PLCXD1: variants seen among roughly 807,000 people sequenced by gnomAD.
PLCXD1 encodes phosphatidylinositol specific phospholipase C X domain containing 1.
A neutral mutation model predicts 37.8 loss-of-function variants in PLCXD1; 45 were observed. That is an observed-to-expected ratio of 1.19 (90% confidence interval 0.94 to 1.53). The LOEUF is 1.53. Ranked by LOEUF, PLCXD1 falls within the 40% of genes most tolerant of loss-of-function variation. The pLI is 0.00. For missense variants in PLCXD1, 539 were observed against 454.7 expected, an observed-to-expected ratio of 1.19 and a Z score of -1.69; for synonymous variants, 246 against 206.9, an observed-to-expected ratio of 1.19 and a Z score of -1.62.
chrX:290,394 C>T (rs1322454998), intron 3 of PLCXD1, among the ~76,000 whole-genome samples: 51 of 149,976 alleles, frequency 3.4e-4, no homozygotes, highest in Non-Finnish European at 4.4e-5. Flanking sequence ...TGCACCACTG[C>T]ACTCCAGCCT....
At chrX:276,631 G>A (rs1158748220), upstream of PLCXD1, among the ~76,000 whole-genome samples, 4 of 152,176 alleles carry the variant, frequency 2.6e-5, no homozygotes, top group Admixed American at 1.3e-4. Context: ...CTTGCAGACC[G>A]TGAATTCTCT....
intron 6 of PLCXD1, among the ~76,000 whole-genome samples, chrX:294,278 C>T (rs373074692): frequency 0.01 from 1,584 of 152,066 alleles, 33 homozygotes; most frequent in African/African-American, 0.035. Context: ...GTCAGGAGAT[C>T]GAGACCATCC....
At chrX:278,056 A>C (rs1162189286), upstream of PLCXD1, among the ~76,000 whole-genome samples, 1 of 110,380 alleles carries the variant, frequency 9.1e-6, no homozygotes, top group African/African-American at 4.0e-5. Flanking sequence ...AGGAGCGGAC[A>C]CCCCTCAGTG....
rs762758216 is a variant in PLCXD1 at position 291,563 on chromosome X, G to A, written c.458G>A (p.Cys153Tyr). ...RHPREVVILACRNFEGLSEDL... is the reference protein window; with the variant it reads ...RHPREVVILAYRNFEGLSEDL... ...CCACGCGAGGTGGTCATCCTGGCCT[G>A]CAGAAACTTCGAGGGGCTGAGCGAG... The change falls in exon 5 of 7, where the codon TGC (cysteine) becomes TAC (tyrosine). Residue 153 changes from cysteine to tyrosine, a missense_variant. Transcript: ENST00000381657. The A allele has an allele frequency of 3.1e-6, 5 of 1,613,134 alleles. No homozygotes were observed. The East Asian group carries it at 8.9e-5, about 29-fold the overall frequency.
intron 6 of PLCXD1, among the ~76,000 whole-genome samples, chrX:294,299 G>A (rs1238736929): frequency 6.6e-6 from 1 of 152,078 alleles, no homozygotes; most frequent in Non-Finnish European, 1.5e-5. Context: ...CGGCTAACAT[G>A]GAGAAACCCC....
chrX:276,578 G>T (rs1439271266), upstream of PLCXD1, among the ~76,000 whole-genome samples: 3 of 152,138 alleles, frequency 2.0e-5, no homozygotes, highest in African/African-American at 7.2e-5. Context: ...GGTCGCCTGG[G>T]ATCTGTGGCC....
upstream of PLCXD1, chrX:276,469 G>C (rs1429681360): frequency 6.6e-6 from 1 of 152,352 alleles, no homozygotes; most frequent in African/African-American, 2.4e-5. Context: ...TGTGCCTGTT[G>C]TGGGCTGGGA....
Position 290,763 on chromosome X carries a change from C to A in PLCXD1, c.380C>A (p.Thr127Lys), listed in dbSNP as rs140546575. The change falls in exon 4 of 7, where the codon ACG (threonine) becomes AAG (lysine). Residue 127 changes from threonine (T) to lysine (K), a missense_variant. Transcript: ENST00000381657. The stretch of plus-strand genomic sequence containing the variant: ...CACTTTGTCCATATGGTGTACACAA[C>A]GGCGCTGGTGGAGGTGCGGCCGGGC... ...NLHFVHMVYT[T>K]ALVEDTLTEI... The A allele has an allele frequency of 6.2e-7, 1 of 1,606,984 alleles. No individual in the cohort carries two copies. The highest frequency in any genetic ancestry group is 1.4e-5 in the African/African-American group (1 of 70,530).
chrX:284,053 G>C, intron 1 of PLCXD1, 114 bp from the exon 2 acceptor site: 1 of 802,454 alleles, frequency 1.2e-6, no homozygotes, highest in Non-Finnish European at 2.1e-6. Flanking sequence ...ACCACGCCCA[G>C]CTAATTTTTG....
intron 6 of PLCXD1, among the ~76,000 whole-genome samples, chrX:295,611 G>A (rs377222443): frequency 3.3e-4 from 50 of 150,614 alleles, no homozygotes; most frequent in South Asian, 1.7e-3. Context: ...TGCAACCTCC[G>A]TCTCCCGGGT....
intron 4 of PLCXD1, among the ~76,000 whole-genome samples, chrX:291,214 C>G (rs975545881): frequency 6.6e-6 from 1 of 151,276 alleles, no homozygotes; most frequent in Non-Finnish European, 1.5e-5. Flanking sequence ...GGTGCAATCT[C>G]AGCTCACTGC....
At chrX:288,027 G>T (rs1304223012) in intron 2 of PLCXD1, among the ~76,000 whole-genome samples, 5 of 152,156 alleles carry the variant, frequency 3.3e-5, no homozygotes, top group African/African-American at 9.6e-5. Context: ...GCTCCTGGGG[G>T]CTCCAGGCAT....
Position 299,312 on chromosome X carries a change from A to G in PLCXD1, c.949A>G (p.Asn317Asp). The G allele has an allele frequency of 6.2e-7, 1 of 1,613,588 alleles. No homozygotes were observed. The highest frequency in any genetic ancestry group is 8.5e-7 in the Non-Finnish European group (1 of 1,179,562). ...DGFVSDVIAL[N>D]QKLLWC ...CTTCGTCAGTGACGTCATCGCGCTC[A>G]ATCAGAAGCTGCTGTGGTGCTGACG... Residue 317 changes from asparagine (N) to aspartate (D), a missense_variant, in exon 7 of 7, where the codon AAT becomes GAT. By Grantham distance (23) the Asn-to-Asp change is conservative. Coordinates refer to ENST00000381657, the MANE Select transcript of PLCXD1 (RefSeq NM_018390.4).
In PLCXD1 at chrX:293,046, A is replaced by G. The variant is rs748105914; in HGVS notation, c.561A>G (p.Thr187=). 16 of 1,607,216 alleles carry G rather than the reference A, an allele frequency of 1.0e-5. No individual in the cohort carries two copies. The East Asian group carries it at 2.5e-4, about 25-fold the overall frequency. Residue 187 remains threonine (T), a synonymous_variant, in exon 6 of 7, where the codon ACA becomes ACG. Transcript: ENST00000381657. Reference sequence around the variant, plus strand: ...CTGGTCCTTTGCAGGAGGTGCCGACACTGCGGCAGCTGTGGTCCCGGGGCC... The same window carrying G: ...CTGGTCCTTTGCAGGAGGTGCCGACGCTGCGGCAGCTGTGGTCCCGGGGCC... ...DMLCPRGEVP[T]LRQLWSRGQQ...
In PLCXD1 at chrX:293,242, G is replaced by A. The variant is rs376918173; in HGVS notation, c.733+24G>A. ...AGGTACCAGGTCGCCCCTCGTGGGG[G>A]TAGATTCCACACAGCCTCCCGTGAC... On this transcript the variant is annotated intron_variant, in intron 6 of 6. Transcript: ENST00000381657. 257 of 1,590,972 alleles carry A rather than the reference G, an allele frequency of 1.6e-4. No individual in the cohort carries two copies. The African/African-American group carries it at 3.0e-3, about 18-fold the overall frequency.
chrX:291,440 C>G, intron 4 of PLCXD1, 59 bp from the exon 5 acceptor site: 1 of 1,591,548 alleles, frequency 6.3e-7, no homozygotes, highest in South Asian at 1.1e-5. Context: ...GCCGCCACAC[C>G]CCGCCTTCCC....
intron 5 of PLCXD1, among the ~76,000 whole-genome samples, chrX:292,768 G>A (rs191521862): frequency 9.2e-5 from 14 of 151,766 alleles, no homozygotes; most frequent in East Asian, 4.0e-4. Flanking sequence ...GTGCACCACC[G>A]CACCCGGCCA....
At chrX:298,713 G>A (rs2069890000) in intron 6 of PLCXD1, among the ~76,000 whole-genome samples, 1 of 58,426 alleles carries the variant, frequency 1.7e-5, no homozygotes, top group Admixed American at 1.5e-4. Flanking sequence ...GGATCAGGAC[G>A]TGGACATCTT....
intron 2 of PLCXD1, among the ~76,000 whole-genome samples, chrX:286,638 G>C (rs28510852): frequency 6.6e-6 from 1 of 152,022 alleles, no homozygotes; most frequent in South Asian, 2.1e-4. Context: ...TGTGGGGAAC[G>C]TGACTGGGGG....
Sources: gnomAD v4.1 joint callset for allele counts (sites outside exome capture counted in the v4.1 genomes callset) on GRCh38, gnomAD v4.1.1 for gene constraint, MANE v1.5 for transcripts, NCBI Gene and HGNC (gene_info 2026-07-23, HGNC 2026-07-21) for gene names.